The following GRM3 variants were observed in gnomAD, a reference collection of about 807,000 sequenced individuals.
GRM3 encodes metabotropic glutamate receptor 3.
In GRM3, 26 loss-of-function variants were observed where a neutral mutation model predicts 70.5. The observed-to-expected ratio is 0.37, with a 90% CI of 0.27 to 0.51. The LOEUF is 0.51. GRM3 is among the 20% of genes least tolerant of loss of function. GRM3 has a pLI of 0.93. For missense variants in GRM3, 859 were observed against 1,123.8 expected, an observed-to-expected ratio of 0.76 and a Z score of 3.37; for synonymous variants, 443 against 434.9, an observed-to-expected ratio of 1.02 and a Z score of -0.23.
chr7:86,670,715 T>G (rs1045227510), intron 1 of GRM3, among the ~76,000 whole-genome samples: 6 of 152,186 alleles, frequency 3.9e-5, no homozygotes, highest in Admixed American at 2.0e-4. Context: ...CCACTCTAAT[T>G]TTGTTTTTCC....
intron 5 of GRM3, among the ~76,000 whole-genome samples, chr7:86,860,493 T>C (rs1320347607): frequency 6.6e-6 from 1 of 152,148 alleles, no homozygotes. Flanking sequence ...AAGTTAGAGT[T>C]CCCTTCGACA....
At chr7:86,817,438 T>G (rs1249268211) in intron 3 of GRM3, among the ~76,000 whole-genome samples, 4 of 151,972 alleles carry the variant, frequency 2.6e-5, no homozygotes, top group Non-Finnish European at 5.9e-5. Flanking sequence ...GAATATAAAA[T>G]TAACTCAAAA....
intron 2 of GRM3, among the ~76,000 whole-genome samples, chr7:86,776,662 A>G (rs1478022734): frequency 6.6e-6 from 1 of 152,164 alleles, no homozygotes; most frequent in East Asian, 1.9e-4. Context: ...TATTATTGTT[A>G]TACAAGTGAC....
At position 86,716,683 on chromosome 7, in the gene GRM3, C is replaced by CAA. The variant is rs55934116; in HGVS notation, c.-140-48310_-140-48309dup. Among the ~76,000 whole-genome samples the CAA allele has an allele frequency of 8.1e-3, 1,130 of 139,378 alleles. 13 individuals are homozygous for CAA. Among genetic ancestry groups the CAA allele is most frequent in the African/African-American group, 0.027 (985 of 36,634 alleles). The allele number at this position is 139,378 out of a possible 152,430, so 91.4% of individuals were successfully genotyped here. On this transcript the variant is annotated intron_variant, in intron 1 of 5. Transcript: ENST00000361669. ...AATTGGCCACTATTCCAGTTATATG[C>CAA]AAAAAAAAAAAAAATAGTTTCTGCT...
intron 2 of GRM3, among the ~76,000 whole-genome samples, chr7:86,777,722 A>G (rs1404079739): frequency 6.6e-6 from 1 of 152,204 alleles, no homozygotes; most frequent in Non-Finnish European, 1.5e-5. Context: ...CAATAACAAT[A>G]TGATTGGACT....
rs900998317 is a variant in GRM3 at position 86,662,601 on chromosome 7, T to C, written c.-141+17729T>C. On this transcript the variant is annotated intron_variant, in intron 1 of 5. Transcript: ENST00000361669. ...TTTGGTTTTATGTATATCTAAGGTC[T>C]GTATATTTATAAGAGTCTTATAATG... 6.6e-5 allele frequency among the ~76,000 whole-genome samples: 10 copies of C among 152,098 alleles called. No homozygotes were observed. The South Asian group carries it at 1.4e-3, about 22-fold the overall frequency.
intron 1 of GRM3, among the ~76,000 whole-genome samples, chr7:86,753,561 T>C (rs554638115): frequency 6.6e-6 from 1 of 152,170 alleles, no homozygotes; most frequent in Non-Finnish European, 1.5e-5. Context: ...ATAAATGCCT[T>C]ATATTCATAT....
At chr7:86,788,813 C>T (rs1183023490) in intron 3 of GRM3, among the ~76,000 whole-genome samples, 6 of 152,192 alleles carry the variant, frequency 3.9e-5, no homozygotes, top group African/African-American at 1.4e-4. Context: ...TATTATTTAT[C>T]TTTACTCACC....
At chr7:86,828,600 T>C (rs751197336) in intron 3 of GRM3, among the ~76,000 whole-genome samples, 1 of 152,228 alleles carries the variant, frequency 6.6e-6, no homozygotes, top group Non-Finnish European at 1.5e-5. Flanking sequence ...AATTTAACAA[T>C]ACTTTATTGC....
chr7:86,737,226 T>G (rs965222798), intron 1 of GRM3, among the ~76,000 whole-genome samples: 1 of 152,214 alleles, frequency 6.6e-6, no homozygotes, highest in African/African-American at 2.4e-5. Context: ...TAGCTAATGT[T>G]TAATAAGTGC....
chr7:86,675,792 T>A (rs1426872188), intron 1 of GRM3, among the ~76,000 whole-genome samples: 3 of 152,096 alleles, frequency 2.0e-5, no homozygotes, highest in Non-Finnish European at 4.4e-5. Flanking sequence ...GCATGTATTT[T>A]AAAATTTTCC....
rs548343551 is a variant in GRM3, at chr7:86,847,614, A to C, written c.2392-2756A>C. The stretch of plus-strand genomic sequence containing the variant: ...TAAGCTCTGGGGAACTCCAGCACTT[A>C]AAGTTCAAGTAGAATAGATAACTAA... On this transcript the variant is annotated intron_variant, in intron 4 of 5. Coordinates refer to ENST00000361669, the MANE Select transcript of GRM3 (RefSeq NM_000840.3). Among the ~76,000 whole-genome samples, 7 of 152,318 alleles carry C rather than the reference A, an allele frequency of 4.6e-5. No individual in the cohort carries two copies. The South Asian group carries it at 1.5e-3, about 32-fold the overall frequency.
At chr7:86,864,021 T>G (rs1031692516) in intron 5 of GRM3, among the ~76,000 whole-genome samples, 10 of 149,874 alleles carry the variant, frequency 6.7e-5, no homozygotes, top group Non-Finnish European at 1.3e-4. Flanking sequence ...TTTTATTTTT[T>G]TTCACATTTT....
chr7:86,857,918 T>TTTTTA (rs375923210), intron 5 of GRM3, among the ~76,000 whole-genome samples: 10,584 of 142,624 alleles, frequency 0.074, 441 homozygotes, highest in Non-Finnish European at 0.083. Flanking sequence ...AGAGAGTAAA[T>TTTTTA]TTTTATTTTA....
intron 1 of GRM3, among the ~76,000 whole-genome samples, chr7:86,674,450 C>T (rs1383204744): frequency 2.6e-5 from 4 of 152,100 alleles, no homozygotes; most frequent in Middle Eastern, 3.4e-3. Flanking sequence ...TTGTTAGAAG[C>T]GAGTCATTAG....
chr7:86,806,550 T>C (rs1797797720), intron 3 of GRM3, among the ~76,000 whole-genome samples: 1 of 152,246 alleles, frequency 6.6e-6, no homozygotes, highest in Non-Finnish European at 1.5e-5. Context: ...ATGTCTTCTT[T>C]TGAGAAGTGT....
At chr7:86,764,127 T>G (rs1375873113) in intron 1 of GRM3, among the ~76,000 whole-genome samples, 1 of 152,108 alleles carries the variant, frequency 6.6e-6, no homozygotes, top group Non-Finnish European at 1.5e-5. Context: ...CTGAAGGATG[T>G]GTGGGTAAAG....
At chr7:86,758,269 A>T (rs1196700221) in intron 1 of GRM3, among the ~76,000 whole-genome samples, 1 of 152,140 alleles carries the variant, frequency 6.6e-6, no homozygotes, top group East Asian at 1.9e-4. Context: ...ATATCCTCCT[A>T]AAAATGGTAT....
At chr7:86,767,671 A>G (rs565900488) in intron 2 of GRM3, among the ~76,000 whole-genome samples, 1 of 151,444 alleles carries the variant, frequency 6.6e-6, no homozygotes, top group Non-Finnish European at 1.5e-5. Context: ...ACCCAATATT[A>G]CCACTAGTAA....
Sources: gnomAD v4.1 joint callset for allele counts (sites outside exome capture counted in the v4.1 genomes callset) on GRCh38, gnomAD v4.1.1 for gene constraint, MANE v1.5 for transcripts, NCBI Gene and HGNC (gene_info 2026-07-23, HGNC 2026-07-21) for gene names.